The following PPP1R9A variants were observed in gnomAD, a reference collection of about 807,000 sequenced individuals.
The protein encoded by PPP1R9A is protein phosphatase 1 regulatory subunit 9A.
PPP1R9A carries 59 observed loss-of-function variants against 141.9 expected under a neutral mutation model. The observed-to-expected ratio is 0.42, with a 90% CI of 0.34 to 0.52. PPP1R9A has a LOEUF of 0.52. Ranked by LOEUF, PPP1R9A falls within the 20% of genes least tolerant of loss-of-function variation. The probability of loss-of-function intolerance (pLI) is 0.10; values close to 1 mark genes in which losing one functional copy is unlikely to be tolerated. For missense variants in PPP1R9A, 1,444 were observed against 1,611.9 expected (o/e 0.90, Z 1.78); for synonymous variants, 500 against 569.7 (o/e 0.88, Z 1.74).
chr7:94,910,595 C>A lies in PPP1R9A; in HGVS notation c.482C>A (p.Pro161Gln). The change falls in exon 2 of 20, where the codon CCA becomes CAA. Residue 161 changes from proline to glutamine, a missense_variant. Physicochemically the swap from Pro to Gln is moderately conservative, Grantham distance 76. Coordinates refer to ENST00000433360, the MANE Select transcript of PPP1R9A (RefSeq NM_001166160.2). The surrounding 1 kb of genome is among the most constrained non-coding windows in gnomAD (Gnocchi z 4.5). ...TCAGGACAGAACAACCGCTATTCCC[C>A]AAAGAAAGAGAAAGCTGGAGGGAGT... ...HESGQNNRYS[P>Q]KKEKAGGSEP... The A allele has an allele frequency of 6.2e-7, 1 of 1,614,118 alleles. No individual in the cohort carries two copies. Among genetic ancestry groups the A allele is most frequent in the South Asian group, 1.1e-5 (1 of 91,068 alleles).
chr7:95,175,279 G>GATGA (rs1374099133), intron 5 of PPP1R9A, among the ~76,000 whole-genome samples: 1 of 151,864 alleles, frequency 6.6e-6, no homozygotes, highest in Non-Finnish European at 1.5e-5. Context: ...TGGATGGATG[G>GATGA]ATGGATGGAT....
At chr7:95,043,431 T>A (rs1369583809) in intron 2 of PPP1R9A, among the ~76,000 whole-genome samples, 1 of 152,048 alleles carries the variant, frequency 6.6e-6, no homozygotes, top group Non-Finnish European at 1.5e-5. Context: ...TTGTGTGGAG[T>A]CCTGATAAGT....
At chr7:95,065,002 C>T (rs182050884) in intron 2 of PPP1R9A, among the ~76,000 whole-genome samples, 9 of 152,212 alleles carry the variant, frequency 5.9e-5, no homozygotes, top group Non-Finnish European at 1.0e-4. Flanking sequence ...AAGTGACTTA[C>T]CACTGTTGAC....
At chr7:95,180,057 G>A (rs1236548556) in intron 5 of PPP1R9A, among the ~76,000 whole-genome samples, 2 of 152,000 alleles carry the variant, frequency 1.3e-5, no homozygotes, top group Non-Finnish European at 2.9e-5. Flanking sequence ...AAAAAAGCCT[G>A]TATAGCCAAA....
intron 2 of PPP1R9A, among the ~76,000 whole-genome samples, chr7:94,992,314 C>A (rs1274266089): frequency 3.9e-5 from 6 of 152,184 alleles, no homozygotes; most frequent in African/African-American, 1.4e-4. Flanking sequence ...TCAATACTTT[C>A]TAACTTCTTG....
chr7:95,222,636 T>C (rs1020193734), intron 7 of PPP1R9A, among the ~76,000 whole-genome samples: 1 of 152,044 alleles, frequency 6.6e-6, no homozygotes, highest in Non-Finnish European at 1.5e-5. Context: ...ATTTGCGTGT[T>C]AGGACAAAGA....
chr7:95,076,007 G>A lies in PPP1R9A; in HGVS notation c.1396-35252G>A, dbSNP rs377560391. Among the ~76,000 whole-genome samples the A allele has an allele frequency of 2.1e-3, 325 of 152,242 alleles. 5 individuals are homozygous for A. Among genetic ancestry groups the A allele is most frequent in the South Asian group, 9.1e-3 (44 of 4,826 alleles). On this transcript the variant is annotated intron_variant, in intron 2 of 19. Transcript: ENST00000433360. Reference sequence around the variant, plus strand: ...GGGTCGTCTTTCTGATATGGAAGAGGAGAACACCTTCACAAATGGAAAAAT... The same window carrying A: ...GGGTCGTCTTTCTGATATGGAAGAGAAGAACACCTTCACAAATGGAAAAAT...
chr7:95,111,494 T>C, intron 3 of PPP1R9A, 103 bp downstream of exon 3: 1 of 1,135,292 alleles, frequency 8.8e-7, no homozygotes, highest in Non-Finnish European at 1.2e-6. Flanking sequence ...GATAAAATTT[T>C]AATTCTAACA....
At chr7:95,264,031 A>G (rs1800861695) in intron 12 of PPP1R9A, among the ~76,000 whole-genome samples, 1 of 152,148 alleles carries the variant, frequency 6.6e-6, no homozygotes. Context: ...ATTTAATGGG[A>G]CAGCCGCTTG....
rs202020062 is a variant in PPP1R9A, at chr7:95,230,691, G to A, written c.2112+4575G>A. 7.9e-5 allele frequency among the ~76,000 whole-genome samples: 12 copies of A among 152,236 alleles called. No individual in the cohort carries two copies. In the East Asian group the frequency reaches 1.5e-3, roughly 20 times the overall value. ...CAAACTAAAAATAATTAGTGTTCCT[G>A]AGGAAGGAGAGAAATCTAAAAGTTT... On this transcript the variant is annotated intron_variant, in intron 8 of 19. Transcript: ENST00000433360.
Position 94,911,013 on chromosome 7 carries a change from C to A in PPP1R9A, c.900C>A (p.Ser300Arg), listed in dbSNP as rs143733144. The part of the protein sequence containing the change: ...ASIPGEEIQQ[S>R]KEPEDSTSNQ... The stretch of plus-strand genomic sequence containing the variant: ...TACCTGGTGAAGAGATCCAGCAGAG[C>A]AAGGAACCCGAGGACTCCACATCTA... The change falls in exon 2 of 20, where the codon AGC (serine) becomes AGA (arginine). Residue 300 changes from serine (S) to arginine (R), a missense_variant. This residue lies in a region of PPP1R9A where 490 missense variants were observed against 521.1 expected (regional missense o/e 0.94). Coordinates refer to ENST00000433360, the MANE Select transcript of PPP1R9A (RefSeq NM_001166160.2). The A allele has an allele frequency of 3.7e-6, 6 of 1,613,994 alleles. No homozygotes were observed. The highest frequency in any genetic ancestry group is 1.3e-5 in the African/African-American group (1 of 74,890).
chr7:95,072,860 T>G (rs1380009570), intron 2 of PPP1R9A, among the ~76,000 whole-genome samples: 1 of 112,794 alleles, frequency 8.9e-6, no homozygotes, highest in African/African-American at 3.5e-5. Context: ...ATATAAGTTA[T>G]ATAATATAAT....
intron 2 of PPP1R9A, among the ~76,000 whole-genome samples, chr7:94,939,877 C>A (rs1795153070): frequency 6.6e-6 from 1 of 151,258 alleles, no homozygotes; most frequent in South Asian, 2.1e-4. Flanking sequence ...AGTGTTATGA[C>A]CCAAACTTAT....
intron 2 of PPP1R9A, among the ~76,000 whole-genome samples, chr7:95,032,812 T>C (rs979516409): frequency 6.6e-6 from 1 of 152,106 alleles, no homozygotes; most frequent in Non-Finnish European, 1.5e-5. Flanking sequence ...TTACGAGTAA[T>C]TATAAAATAA....
intron 2 of PPP1R9A, among the ~76,000 whole-genome samples, chr7:95,045,848 CTGT>C (rs1809933157): frequency 6.6e-6 from 1 of 152,126 alleles, no homozygotes; most frequent in Middle Eastern, 3.2e-3. Flanking sequence ...TAACTACCTA[CTGT>C]AATATATTGA....
intron 2 of PPP1R9A, among the ~76,000 whole-genome samples, chr7:94,919,568 C>A (rs1228122262): frequency 6.6e-6 from 1 of 152,092 alleles, no homozygotes; most frequent in African/African-American, 2.4e-5. Context: ...TTCTATCCTA[C>A]TTCTCTTATA....
intron 7 of PPP1R9A, among the ~76,000 whole-genome samples, chr7:95,215,339 T>A (rs1793118983): frequency 6.6e-6 from 1 of 152,146 alleles, no homozygotes; most frequent in Admixed American, 6.6e-5. Context: ...CCATGGTGTA[T>A]ATGTGCCACA....
At chr7:95,002,711 A>G (rs1803109402) in intron 2 of PPP1R9A, among the ~76,000 whole-genome samples, 1 of 152,206 alleles carries the variant, frequency 6.6e-6, no homozygotes, top group Admixed American at 6.5e-5. Context: ...AGAGTCAGGA[A>G]GAAATCATGA....
intron 2 of PPP1R9A, among the ~76,000 whole-genome samples, chr7:94,998,591 A>G (rs948263335): frequency 2.0e-5 from 3 of 152,156 alleles, no homozygotes; most frequent in African/African-American, 7.2e-5. Flanking sequence ...TGTATGGCGC[A>G]TTGAGTCCAC....
Sources: allele counts gnomAD v4.1 joint callset (sites outside exome capture counted in the v4.1 genomes callset), GRCh38; gene constraint gnomAD v4.1.1; regional missense constraint gnomAD v4.1.1; non-coding constraint Gnocchi (gnomAD v3.1); transcripts MANE v1.5; gene names NCBI Gene and HGNC (gene_info 2026-07-23, HGNC 2026-07-21).